DLG2: variants seen among roughly 807,000 people sequenced by gnomAD.
DLG2 encodes the protein discs large MAGUK scaffold protein 2.
DLG2 carries 45 observed loss-of-function variants against 132.5 expected under a neutral mutation model. That is an observed-to-expected ratio of 0.34 (90% CI 0.27 to 0.44). DLG2 has a LOEUF of 0.44. Among genes scored for constraint, DLG2 ranks in the 20% least tolerant of loss-of-function variants. The pLI is 1.00. For synonymous variants in DLG2, 424 were observed against 419.6 expected, an observed-to-expected ratio of 1.01 and a Z score of -0.13; for missense variants, 1,045 against 1,196.9, an observed-to-expected ratio of 0.87 and a Z score of 1.87.
At chr11:85,396,936 A>G (rs1370341450) in intron 3 of DLG2, among the ~76,000 whole-genome samples, 1 of 152,186 alleles carries the variant, frequency 6.6e-6, no homozygotes, top group Non-Finnish European at 1.5e-5. Context: ...AACACCACAA[A>G]GATACTCCTC....
chr11:85,555,673 A>G (rs2076903682), intron 3 of DLG2, among the ~76,000 whole-genome samples: 1 of 151,898 alleles, frequency 6.6e-6, no homozygotes, highest in Non-Finnish European at 1.5e-5. Context: ...AGAAGAGACT[A>G]AAAGTCATCA....
intron 16 of DLG2, among the ~76,000 whole-genome samples, chr11:83,852,805 CT>C (rs1187714347): frequency 6.6e-6 from 1 of 152,154 alleles, no homozygotes; most frequent in Admixed American, 6.5e-5. Context: ...CTAATTCCTT[CT>C]TTTCTTTATC....
chr11:84,232,371 C>A (rs946682725), intron 8 of DLG2, among the ~76,000 whole-genome samples: 1 of 152,102 alleles, frequency 6.6e-6, no homozygotes, highest in African/African-American at 2.4e-5. Flanking sequence ...GGTAACAGTA[C>A]CTGGCACAAG....
intron 7 of DLG2, among the ~76,000 whole-genome samples, chr11:84,287,776 A>T (rs926233127): frequency 6.6e-6 from 1 of 151,000 alleles, no homozygotes; most frequent in Non-Finnish European, 1.5e-5. Context: ...ACACACACAC[A>T]CACAAATACT....
chr11:85,191,328 T>C (rs965899452), intron 4 of DLG2, among the ~76,000 whole-genome samples: 32 of 151,752 alleles, frequency 2.1e-4, no homozygotes, highest in Admixed American at 1.4e-3. Flanking sequence ...AGTTAAACTC[T>C]CTACCACTTT....
In DLG2 at chr11:84,652,993, G is replaced by A. The variant is rs148498225; in HGVS notation, c.358-118262C>T. On this transcript the variant is annotated intron_variant, in intron 6 of 27. Transcript: ENST00000376104. Reference sequence around the variant, plus strand: ...GTTGCCCAGGCTAGAGTGCAGTGGCGTGATCTCAACTCACTGCAACCTCTA... The same window carrying A: ...GTTGCCCAGGCTAGAGTGCAGTGGCATGATCTCAACTCACTGCAACCTCTA... Among the ~76,000 whole-genome samples, 1,041 of 150,772 alleles carry A rather than the reference G, an allele frequency of 6.9e-3. 19 individuals carry two copies. The highest frequency in any genetic ancestry group is 0.023 in the African/African-American group (928 of 40,942).
chr11:85,344,304 A>C (rs148680568), intron 3 of DLG2, among the ~76,000 whole-genome samples: 91 of 152,200 alleles, frequency 6.0e-4, no homozygotes, highest in African/African-American at 2.2e-3. Flanking sequence ...CACCTTTTCT[A>C]TGAGACTTTC....
chr11:85,385,072 G>A (rs544083578), intron 3 of DLG2, among the ~76,000 whole-genome samples: 1 of 152,258 alleles, frequency 6.6e-6, no homozygotes, highest in African/African-American at 2.4e-5. Flanking sequence ...GTGGCTTAAT[G>A]AGAACTAATT....
chr11:84,809,064 G>A (rs924516233), intron 6 of DLG2, among the ~76,000 whole-genome samples: 1 of 151,744 alleles, frequency 6.6e-6, no homozygotes, highest in Non-Finnish European at 1.5e-5. Flanking sequence ...AATAAATTTC[G>A]ACAATATATA....
intron 12 of DLG2, among the ~76,000 whole-genome samples, chr11:83,966,280 C>G (rs1475323143): frequency 6.6e-6 from 1 of 151,990 alleles, no homozygotes; most frequent in Non-Finnish European, 1.5e-5. Flanking sequence ...CTTATAGCTT[C>G]GCCAAACCTT....
At chr11:85,069,769 G>A (rs2065516020) in intron 6 of DLG2, among the ~76,000 whole-genome samples, 1 of 152,152 alleles carries the variant, frequency 6.6e-6, no homozygotes, top group African/African-American at 2.4e-5. Flanking sequence ...TCTAGAACTA[G>A]AAATACCATT....
intron 6 of DLG2, among the ~76,000 whole-genome samples, chr11:84,663,910 C>T (rs1019968960): frequency 6.6e-6 from 1 of 152,148 alleles, no homozygotes; most frequent in African/African-American, 2.4e-5. Context: ...TTGCAAATGT[C>T]TTGTCTCCAG....
intron 3 of DLG2, among the ~76,000 whole-genome samples, chr11:85,344,154 A>T (rs2082680340): frequency 6.6e-6 from 1 of 152,184 alleles, no homozygotes; most frequent in South Asian, 2.1e-4. Context: ...CACCTATAAA[A>T]TGCAAATAAT....
chr11:84,309,273 G>A (rs1287463675), intron 7 of DLG2, among the ~76,000 whole-genome samples: 1 of 152,074 alleles, frequency 6.6e-6, no homozygotes, highest in African/African-American at 2.4e-5. Flanking sequence ...GGAATCACTG[G>A]TCTAAATTCT....
intron 6 of DLG2, among the ~76,000 whole-genome samples, chr11:84,805,641 C>T (rs925183137): frequency 9.9e-5 from 15 of 152,144 alleles, no homozygotes; most frequent in African/African-American, 3.6e-4. Context: ...CCTGCTCCAG[C>T]AATATGAATT....
At chr11:83,764,810 G>A (rs2094072194) in intron 18 of DLG2, among the ~76,000 whole-genome samples, 1 of 152,118 alleles carries the variant, frequency 6.6e-6, no homozygotes, top group Non-Finnish European at 1.5e-5. Context: ...CTCAGGAGGT[G>A]TTCTCTATTT....
chr11:85,466,386 A>G (rs554786121), intron 3 of DLG2, among the ~76,000 whole-genome samples: 1 of 152,284 alleles, frequency 6.6e-6, no homozygotes, highest in East Asian at 1.9e-4. Context: ...GTCCTTGCCC[A>G]TGCCTATGTC....
intron 6 of DLG2, chr11:84,640,297 T>C (rs1344969536): frequency 1.5e-5 from 5 of 339,506 alleles, no homozygotes; most frequent in African/African-American, 2.2e-5. Context: ...ATCAATGTCG[T>C]TATCTAGGAG....
rs538509969 is a variant in DLG2 at position 85,562,463 on chromosome 11, C to A, written c.40+36194G>T. On this transcript the variant is annotated intron_variant, in intron 3 of 27. Transcript: ENST00000376104. ...TATTTTATTTCATTTATCCTCAAAA[C>A]GAACTCCTTAAAGTATTAGTATCTT... Among the ~76,000 whole-genome samples, 4 of 151,628 alleles carry A rather than the reference C, an allele frequency of 2.6e-5. No homozygotes were observed. The East Asian group carries it at 7.7e-4, about 29-fold the overall frequency.
Sources: gnomAD v4.1 joint callset for allele counts (sites outside exome capture counted in the v4.1 genomes callset) on GRCh38, gnomAD v4.1.1 for gene constraint, MANE v1.5 for transcripts, NCBI Gene and HGNC (gene_info 2026-07-23, HGNC 2026-07-21) for gene names.